The following KCTD16 variants were observed in gnomAD, a reference collection of about 807,000 sequenced individuals.
KCTD16 encodes BTB/POZ domain-containing protein KCTD16.
KCTD16 carries 13 observed loss-of-function variants against 33.2 expected under a neutral mutation model. That is an observed-to-expected ratio of 0.39 (90% CI 0.25 to 0.62). KCTD16 has a LOEUF of 0.62. Ranked by LOEUF, KCTD16 falls within the 20% of genes least tolerant of loss-of-function variation. The pLI, the probability that KCTD16 is intolerant of heterozygous loss-of-function variation, is 0.50. For synonymous variants in KCTD16, 197 were observed against 195.3 expected (o/e 1.01, Z -0.07); for missense variants, 441 against 525.1 (o/e 0.84, Z 1.57).
At chr5:144,405,384 T>C (rs190689695) in intron 3 of KCTD16, among the ~76,000 whole-genome samples, 5 of 152,306 alleles carry the variant, frequency 3.3e-5, no homozygotes. Flanking sequence ...TTTAAAGACT[T>C]TTCTAGGACC....
intron 3 of KCTD16, among the ~76,000 whole-genome samples, chr5:144,442,940 A>G (rs1227493453): frequency 6.6e-6 from 1 of 152,048 alleles, no homozygotes; most frequent in Non-Finnish European, 1.5e-5. Flanking sequence ...AACCTCTACC[A>G]TCTGGGAAAG....
rs562322039 is a variant in KCTD16 at position 144,192,491 on chromosome 5, G to A, written c.-326-13898G>A. On this transcript the variant is annotated intron_variant, in intron 2 of 3. Transcript: ENST00000512467. ...GATTTTAGACCAGGGAACGAATAAA[G>A]CGAAGGATTGTAACAAAATCAATTA... Among the ~76,000 whole-genome samples the A allele has an allele frequency of 3.5e-4, 54 of 152,294 alleles. 1 individual carries two copies. Among genetic ancestry groups the A allele is most frequent in the Non-Finnish European group, 7.1e-4 (48 of 68,024 alleles).
intron 3 of KCTD16, among the ~76,000 whole-genome samples, chr5:144,230,124 A>C (rs1167373240): frequency 6.6e-6 from 1 of 152,192 alleles, no homozygotes; most frequent in Non-Finnish European, 1.5e-5. Context: ...CCTGGGTGAC[A>C]GAGCAAGACT....
intron 2 of KCTD16, among the ~76,000 whole-genome samples, chr5:144,185,022 C>T (rs1433854873): frequency 6.6e-6 from 1 of 152,168 alleles, no homozygotes; most frequent in African/African-American, 2.4e-5. Context: ...ATGTGTCAGG[C>T]ACTGTTCTAA....
intron 3 of KCTD16, among the ~76,000 whole-genome samples, chr5:144,390,072 CTT>C (rs1752415047): frequency 2.0e-5 from 3 of 152,162 alleles, no homozygotes; most frequent in Admixed American, 2.0e-4. Flanking sequence ...ACTAATGAGT[CTT>C]TATCATTCAT....
At chr5:144,435,839 GTGTA>G (rs1753565140) in intron 3 of KCTD16, among the ~76,000 whole-genome samples, 2 of 148,254 alleles carry the variant, frequency 1.3e-5, no homozygotes, top group African/African-American at 2.6e-5. Flanking sequence ...GTGTGTGTGT[GTGTA>G]TGTGTGTGTG....
chr5:144,364,943 C>T (rs981471462), intron 3 of KCTD16, among the ~76,000 whole-genome samples: 1 of 151,888 alleles, frequency 6.6e-6, no homozygotes, highest in African/African-American at 2.4e-5. Flanking sequence ...ATGAATCCTA[C>T]TTATGGCTGT....
chr5:144,446,307 AG>A (rs1753816477), intron 3 of KCTD16, among the ~76,000 whole-genome samples: 1 of 152,100 alleles, frequency 6.6e-6, no homozygotes, highest in African/African-American at 2.4e-5. Context: ...CAATGGGGAA[AG>A]GATTCCCTAT....
At chr5:144,458,919 T>C (rs959383217) in intron 3 of KCTD16, among the ~76,000 whole-genome samples, 1 of 152,204 alleles carries the variant, frequency 6.6e-6, no homozygotes, top group Non-Finnish European at 1.5e-5. Flanking sequence ...AAGGCAGTAA[T>C]TAACCAGAAT....
At chr5:144,465,337 C>CT (rs1754304473) in intron 3 of KCTD16, among the ~76,000 whole-genome samples, 1 of 152,056 alleles carries the variant, frequency 6.6e-6, no homozygotes. Context: ...TTCTTCAGAG[C>CT]TTTTTAATTC....
intron 3 of KCTD16, among the ~76,000 whole-genome samples, chr5:144,330,717 G>A (rs548032294): frequency 2.0e-5 from 3 of 152,052 alleles, no homozygotes; most frequent in Non-Finnish European, 4.4e-5. Flanking sequence ...TTATGGTATA[G>A]GTTATCTTAT....
At chr5:144,455,235 C>G (rs542209438) in intron 3 of KCTD16, among the ~76,000 whole-genome samples, 1 of 152,106 alleles carries the variant, frequency 6.6e-6, no homozygotes, top group African/African-American at 2.4e-5. Context: ...GAGAGTCTCA[C>G]CCAACTTCCT....
rs578144653 is a variant in KCTD16 at position 144,319,304 on chromosome 5, C to T, written c.832+111758C>T. 3.3e-5 allele frequency among the ~76,000 whole-genome samples: 5 copies of T among 152,212 alleles called. No homozygotes were observed. In the East Asian group the frequency reaches 7.7e-4, roughly 24 times the overall value. On this transcript the variant is annotated intron_variant, in intron 3 of 3. Transcript: ENST00000512467. The stretch of plus-strand genomic sequence containing the variant: ...AAACTAAAGAATAGAAAATAACTTA[C>T]GCAGACTCACACAGCTAGTTGTGTG...
intron 3 of KCTD16, among the ~76,000 whole-genome samples, chr5:144,406,949 T>G (rs1752821549): frequency 6.6e-6 from 1 of 152,160 alleles, no homozygotes; most frequent in African/African-American, 2.4e-5. Flanking sequence ...CTGATCCACT[T>G]CCAATACAGG....
intron 3 of KCTD16, among the ~76,000 whole-genome samples, chr5:144,301,983 A>G (rs778817837): frequency 1.3e-5 from 2 of 152,164 alleles, no homozygotes; most frequent in Non-Finnish European, 2.9e-5. Context: ...TAGTTTTGGG[A>G]TATTTTCTTT....
At chr5:144,310,928 C>G (rs1467390195) in intron 3 of KCTD16, among the ~76,000 whole-genome samples, 1 of 152,156 alleles carries the variant, frequency 6.6e-6, no homozygotes, top group Non-Finnish European at 1.5e-5. Flanking sequence ...ACATTATCCG[C>G]AGTGCTAAGG....
Position 144,484,871 on chromosome 5 carries a change from G to GA in KCTD16, c.*10757_*10758insA, listed in dbSNP as rs1754772065. ...AAATGTAACGTCATATTGTTTACAG[G>GA]TTATTTTTGTGCGTAATTGTGATAG... On this transcript the variant is annotated 3_prime_UTR_variant, in exon 4 of 4. Coordinates refer to ENST00000512467, the MANE Select transcript of KCTD16 (RefSeq NM_020768.4). The GA allele has an allele frequency of 6.6e-6, 1 of 152,024 alleles. No homozygotes were observed. Among genetic ancestry groups the GA allele is most frequent in the East Asian group, 1.9e-4 (1 of 5,142 alleles). The allele number at this position is 152,024 out of a possible 1,614,324, so 9.4% of individuals were successfully genotyped here.
chr5:144,301,266 G>T (rs1198250860), intron 3 of KCTD16, among the ~76,000 whole-genome samples: 2 of 150,692 alleles, frequency 1.3e-5, no homozygotes, highest in Middle Eastern at 3.4e-3. Flanking sequence ...AAAAAAGATC[G>T]TGAAGGACAT....
chr5:144,249,448 ATC>A (rs1347737452), intron 3 of KCTD16, among the ~76,000 whole-genome samples: 1 of 152,152 alleles, frequency 6.6e-6, no homozygotes, highest in Non-Finnish European at 1.5e-5. Context: ...AAAGTATCTT[ATC>A]TGACTTGTTT....
Sources: gnomAD v4.1 joint callset for allele counts (sites outside exome capture counted in the v4.1 genomes callset) on GRCh38, gnomAD v4.1.1 for gene constraint, MANE v1.5 for transcripts, NCBI Gene and HGNC (gene_info 2026-07-23, HGNC 2026-07-21) for gene names.